FOXP2: variants seen among roughly 807,000 people sequenced by gnomAD.
FOXP2 encodes forkhead box P2.
A neutral mutation model predicts 115.8 loss-of-function variants in FOXP2; 12 were observed. The observed-to-expected ratio is 0.10, with a 90% CI of 0.07 to 0.17. The LOEUF is 0.17. Among genes scored for constraint, FOXP2 ranks in the 10% least tolerant of loss-of-function variants. The pLI is 1.00. For synonymous variants in FOXP2, 328 were observed against 297.7 expected (o/e 1.10, Z -1.05); for missense variants, 629 against 843.5 (o/e 0.75, Z 3.15).
At chr7:114,182,567 A>G (rs754337116) in intron 1 of FOXP2, among the ~76,000 whole-genome samples, 3 of 151,450 alleles carry the variant, frequency 2.0e-5, no homozygotes, top group Admixed American at 2.0e-4. Context: ...ATTAACACTA[A>G]TGAGATTTTT....
At chr7:114,171,163 C>T (rs569466345) in intron 1 of FOXP2, among the ~76,000 whole-genome samples, 17 of 152,272 alleles carry the variant, frequency 1.1e-4, no homozygotes, top group Non-Finnish European at 1.6e-4. Context: ...AGAAATGAAG[C>T]AACAAAGCCT....
exon 2 of FOXP2, chr7:114,288,075 A>G (rs561424976): frequency 4.4e-6 from 2 of 453,438 alleles, no homozygotes; most frequent in African/African-American, 4.0e-5. Context: ...TTCAAGGTTA[A>G]TTCGAAAGTC....
chr7:114,340,395 T>C (rs920530336), intron 2 of FOXP2, among the ~76,000 whole-genome samples: 12 of 151,162 alleles, frequency 7.9e-5, no homozygotes, highest in Non-Finnish European at 1.5e-4. Context: ...CCTTGTGTTG[T>C]GGTCACAGAA....
Position 114,663,436 on chromosome 7 carries a change from A to ATTT in FOXP2, c.1770-6_1770-4dup. ...TTTGACGTATAAATGATCTTTATAT[A>ATTT]TTTTTTTTTTCAGAAGTCCAACCTT... is the stretch of plus-strand genomic sequence containing the variant. On this transcript the variant is annotated splice_polypyrimidine_tract_variant and intron_variant, in intron 14 of 16. Coordinates refer to ENST00000350908, the MANE Select transcript of FOXP2 (RefSeq NM_014491.4). 35 of 1,408,672 alleles carry ATTT rather than the reference A, an allele frequency of 2.5e-5. No individual in the cohort carries two copies. Among genetic ancestry groups the ATTT allele is most frequent in the South Asian group, 3.6e-5 (3 of 84,108 alleles). The allele number at this position is 1,408,672 out of a possible 1,614,324, so 87.3% of individuals were successfully genotyped here.
At chr7:114,283,247 C>G (rs1741847636) in intron 1 of FOXP2, among the ~76,000 whole-genome samples, 1 of 152,148 alleles carries the variant, frequency 6.6e-6, no homozygotes, top group South Asian at 2.1e-4. Context: ...CACCATTATT[C>G]AGGAAACCAT....
chr7:114,619,899 T>G (rs916207412), intron 3 of FOXP2, among the ~76,000 whole-genome samples: 18 of 152,122 alleles, frequency 1.2e-4, no homozygotes, highest in African/African-American at 4.3e-4. Context: ...AGTATTATAT[T>G]CAGTGTAGCA....
chr7:114,630,398 G>C (rs971111216), intron 5 of FOXP2, among the ~76,000 whole-genome samples: 40 of 152,216 alleles, frequency 2.6e-4, no homozygotes, highest in Non-Finnish European at 5.4e-4. Context: ...GACTAAGGGA[G>C]AAACTGGTTG....
At chr7:114,687,297 C>T (rs2129353043) in intron 16 of FOXP2, among the ~76,000 whole-genome samples, 2 of 152,242 alleles carry the variant, frequency 1.3e-5, no homozygotes, top group East Asian at 3.9e-4. Context: ...TTACAATACC[C>T]TGCTAATGAC....
intron 16 of FOXP2, among the ~76,000 whole-genome samples, chr7:114,685,413 TA>T (rs1348217866): frequency 2.6e-5 from 4 of 152,200 alleles, no homozygotes; most frequent in Non-Finnish European, 4.4e-5. Flanking sequence ...GTTTTCCTTA[TA>T]TAAATAATAT....
At chr7:114,450,269 G>T (rs753111723) in intron 2 of FOXP2, among the ~76,000 whole-genome samples, 28 of 152,164 alleles carry the variant, frequency 1.8e-4, no homozygotes, top group Non-Finnish European at 2.9e-4. Context: ...CTCAGGGAAG[G>T]TATAAGATGC....
At chr7:114,373,652 T>A (rs1186474079) in intron 2 of FOXP2, among the ~76,000 whole-genome samples, 1 of 152,176 alleles carries the variant, frequency 6.6e-6, no homozygotes, top group East Asian at 1.9e-4. Context: ...CCTTGTAGAA[T>A]AAAAAAGTGG....
chr7:114,559,786 G>A (rs1298414002), intron 3 of FOXP2, among the ~76,000 whole-genome samples: 2 of 151,934 alleles, frequency 1.3e-5, no homozygotes, highest in African/African-American at 4.8e-5. Context: ...CTACTCAGGA[G>A]GCTGAGTCAG....
chr7:114,157,194 G>T (rs1030304956), intron 1 of FOXP2, among the ~76,000 whole-genome samples: 1 of 152,008 alleles, frequency 6.6e-6, no homozygotes, highest in African/African-American at 2.4e-5. Flanking sequence ...AAACACAGAT[G>T]AATAATACAT....
At position 114,219,855 on chromosome 7, in the gene FOXP2, G is replaced by T. The variant is rs556264007; in HGVS notation, c.-102+56767G>T. Among the ~76,000 whole-genome samples the T allele has an allele frequency of 3.2e-4, 48 of 149,952 alleles. No individual in the cohort carries two copies. In the South Asian group the frequency reaches 8.2e-3, roughly 26 times the overall value. ...ATAATTCTGTGAGGGTTTTTTTTTT[G>T]TTTGTTTGTTTTGTTTTTTCTAATG... On this transcript the variant is annotated intron_variant, in intron 1 of 17. Coordinates refer to the FOXP2 transcript ENST00000634411.
chr7:114,302,632 G>A (rs1423180997), intron 2 of FOXP2, among the ~76,000 whole-genome samples: 1 of 152,136 alleles, frequency 6.6e-6, no homozygotes, highest in Non-Finnish European at 1.5e-5. Flanking sequence ...ATGAGCCAAA[G>A]CTTTGTATAA....
chr7:114,679,991 A>AT (rs201295799), intron 16 of FOXP2, among the ~76,000 whole-genome samples: 6 of 151,712 alleles, frequency 4.0e-5, no homozygotes, highest in Middle Eastern at 3.4e-3. Context: ...TATTGACTGG[A>AT]TTTTTTTTTC....
chr7:114,655,412 A>C (rs1444823311), intron 10 of FOXP2, among the ~76,000 whole-genome samples: 1 of 152,184 alleles, frequency 6.6e-6, no homozygotes, highest in Non-Finnish European at 1.5e-5. Context: ...TACATTACAT[A>C]AACCACACAT....
At chr7:114,668,156 A>G (rs1807276621) in intron 16 of FOXP2, 1 of 152,112 alleles carries the variant, frequency 6.6e-6, no homozygotes, top group African/African-American at 2.4e-5. Context: ...GAAAACACTG[A>G]TGATTTTTTT....
At chr7:114,451,284 T>A (rs964940277) in intron 2 of FOXP2, among the ~76,000 whole-genome samples, 13 of 152,040 alleles carry the variant, frequency 8.6e-5, no homozygotes, top group Non-Finnish European at 1.9e-4. Flanking sequence ...AGAAAGGCGG[T>A]AGGATAGAGA....
Sources: allele counts gnomAD v4.1 joint callset (sites outside exome capture counted in the v4.1 genomes callset), GRCh38; gene constraint gnomAD v4.1.1; transcripts MANE v1.5; gene names NCBI Gene and HGNC (gene_info 2026-07-23, HGNC 2026-07-21).